Variants in IRX1 observed in about 807,000 individuals in gnomAD.
The protein encoded by IRX1 is iroquois homeobox 1.
IRX1 carries 22 observed loss-of-function variants against 34.1 expected under a neutral mutation model. That is an observed-to-expected ratio of 0.64 (90% CI 0.46 to 0.92). The LOEUF is 0.92. Among genes scored for constraint, IRX1 ranks in the 40% least tolerant of loss-of-function variants. The pLI, the probability that IRX1 is intolerant of heterozygous loss-of-function variation, is 0.00. For missense variants in IRX1, 758 were observed against 680.0 expected (o/e 1.11, Z -1.28); for synonymous variants, 363 against 319.0 (o/e 1.14, Z -1.47).
Position 3,599,964 on chromosome 5 carries a change from G to A in IRX1, c.1016G>A (p.Gly339Asp). 3 of 1,504,606 alleles carry A rather than the reference G, an allele frequency of 2.0e-6. No individual in the cohort carries two copies. The highest frequency in any genetic ancestry group is 1.3e-5 in the South Asian group (1 of 77,598). 93.2% of individuals were successfully genotyped at this position (1,504,606 alleles called of 1,614,324 possible). Reference sequence around the variant, plus strand: ...AAGGCTTCGCCACCACCACCCGCGGGCCACCCCGGCGCGCACGGGCCCTCC... The same window carrying A: ...AAGGCTTCGCCACCACCACCCGCGGACCACCCCGGCGCGCACGGGCCCTCC... ...APKASPPPPA[G>D]HPGAHGPSAG... Residue 339 changes from glycine to aspartate, a missense_variant, in exon 2 of 4, where the codon GGC (glycine) becomes GAC (aspartate). Around this residue, in one of 3 missense-constraint regions of IRX1, gnomAD observed 529 missense variants for 418.8 expected, o/e 1.26. Coordinates refer to ENST00000302006, the MANE Select transcript of IRX1 (RefSeq NM_024337.4). The surrounding 1 kb of genome is among the most constrained non-coding windows in gnomAD (Gnocchi z 6.6).
Position 3,600,163 on chromosome 5 carries a change from C to A in IRX1, c.1215C>A (p.His405Gln). 1 of 1,612,912 alleles carries A rather than the reference C, an allele frequency of 6.2e-7. No homozygotes were observed. The highest frequency in any genetic ancestry group is 1.1e-5 in the South Asian group (1 of 91,074). The change falls in exon 2 of 4, where the codon CAC (histidine) becomes CAA (glutamine). Residue 405 changes from histidine (H) to glutamine (Q), a missense_variant. By Grantham distance (24) the His-to-Gln change is conservative (BLOSUM62 0). Transcript: ENST00000302006. ...CCCACGCCGCGCCCCATGGCCCTCA[C>A]CTTCCTGCACCTCCACCACCGCAGC... ...GAPHAAPHGP[H>Q]LPAPPPPQPP...
In IRX1 at chr5:3,599,990, G is replaced by A. The variant is rs1464348939; in HGVS notation, c.1042G>A (p.Ala348Thr). Residue 348 changes from alanine to threonine, a missense_variant, in exon 2 of 4, where the codon GCC becomes ACC. Physicochemically the swap from Ala to Thr is moderately conservative, Grantham distance 58 (BLOSUM62 0). Around this residue, in one of 3 missense-constraint regions of IRX1, gnomAD observed 529 missense variants for 418.8 expected, o/e 1.26. Coordinates refer to ENST00000302006, the MANE Select transcript of IRX1 (RefSeq NM_024337.4). The surrounding 1 kb of genome is among the most constrained non-coding windows in gnomAD (Gnocchi z 6.6). ...CCACCCCGGCGCGCACGGGCCCTCC[G>A]CCGGGGCGCCGCTGCAACACCCCGC... ...AGHPGAHGPSAGAPLQHPAFL... is the reference protein window; with the variant it reads ...AGHPGAHGPSTGAPLQHPAFL... 6.6e-7 allele frequency: 1 copy of A among 1,514,874 alleles called. No individual in the cohort carries two copies. Among genetic ancestry groups the A allele is most frequent in the Non-Finnish European group, 8.9e-7 (1 of 1,125,998 alleles). 93.8% of individuals were successfully genotyped at this position (1,514,874 alleles called of 1,614,324 possible).
Position 3,596,311 on chromosome 5 carries a change from C to A in IRX1, c.206C>A (p.Pro69Gln), listed in dbSNP as rs777908475. Reference sequence around the variant, plus strand: ...CTGGGCATGTACGCGGCGGCGGGGCCGTACGCGGGCGCGCCCAACTACAGC... The same window carrying A: ...CTGGGCATGTACGCGGCGGCGGGGCAGTACGCGGGCGCGCCCAACTACAGC... Reference protein sequence around the residue: ...SVLGMYAAAGPYAGAPNYSAF... With the variant: ...SVLGMYAAAGQYAGAPNYSAF... The change falls in exon 1 of 4, where the codon CCG becomes CAG. Residue 69 changes from proline (P) to glutamine (Q), a missense_variant. Physicochemically the swap from Pro to Gln is moderately conservative, Grantham distance 76. This residue lies in a region of IRX1 where 195 missense variants were observed against 195.0 expected (regional missense o/e 1.00). Coordinates refer to ENST00000302006, the MANE Select transcript of IRX1 (RefSeq NM_024337.4). 2.7e-6 allele frequency: 4 copies of A among 1,482,174 alleles called. No individual in the cohort carries two copies. Among genetic ancestry groups the A allele is most frequent in the East Asian group, 2.8e-5 (1 of 35,976 alleles). 91.8% of individuals were successfully genotyped at this position (1,482,174 alleles called of 1,614,324 possible). A position where few individuals can be genotyped will look rare whatever the true frequency, so the allele number is the denominator to read the frequency against.
At chr5:3,597,233 C>T (rs1325690641) in intron 1 of IRX1, among the ~76,000 whole-genome samples, 1 of 152,226 alleles carries the variant, frequency 6.6e-6, no homozygotes. Context: ...ACACTTAATT[C>T]TCCGCGGGGG....
At chr5:3,597,690 A>G (rs1416881946) in intron 1 of IRX1, among the ~76,000 whole-genome samples, 6 of 152,206 alleles carry the variant, frequency 3.9e-5, no homozygotes, top group African/African-American at 9.6e-5. Context: ...AAATAATTAG[A>G]AAAGCGCAAA....
chr5:3,599,532 C>T lies in IRX1; in HGVS notation c.584C>T (p.Ala195Val), dbSNP rs764671755. 1 of 1,614,178 alleles carries T rather than the reference C, an allele frequency of 6.2e-7. No individual in the cohort carries two copies. The highest frequency in any genetic ancestry group is 8.5e-7 in the Non-Finnish European group (1 of 1,180,030). Reference sequence around the variant, plus strand: ...AAGGAGAACAAGGTGACATGGGGAGCGCGCAGCAAGGACCAGGAAGATGGA... The same window carrying T: ...AAGGAGAACAAGGTGACATGGGGAGTGCGCAGCAAGGACCAGGAAGATGGA... ...LKKENKVTWG[A>V]RSKDQEDGAL... Residue 195 changes from alanine (A) to valine (V), a missense_variant, in exon 2 of 4, where the codon GCG becomes GTG. Physicochemically the swap from Ala to Val is moderately conservative, Grantham distance 64 (BLOSUM62 0). Around this residue, in one of 3 missense-constraint regions of IRX1, gnomAD observed 529 missense variants for 418.8 expected, o/e 1.26. Transcript: ENST00000302006. The surrounding 1 kb of genome is among the most constrained non-coding windows in gnomAD (Gnocchi z 6.6).
chr5:3,596,900 C>T (rs1006476985), intron 1 of IRX1, among the ~76,000 whole-genome samples: 1 of 152,076 alleles, frequency 6.6e-6, no homozygotes, highest in Non-Finnish European at 1.5e-5. Flanking sequence ...CCAGACAGAC[C>T]CCTTCTAAGC....
At position 3,599,415 on chromosome 5, in the gene IRX1, C is replaced by A; in HGVS notation, c.467C>A (p.Thr156Asn). ...LNEHRKNPYP[T>N]KGEKIMLAII... The stretch of plus-strand genomic sequence containing the variant: ...GAGCACCGCAAGAATCCCTACCCCA[C>A]CAAGGGCGAGAAGATCATGCTGGCC... Residue 156 changes from threonine (T) to asparagine (N), a missense_variant, in exon 2 of 4, where the codon ACC becomes AAC. Thr to Asn is a moderately conservative substitution (Grantham distance 65). This residue lies in a region of IRX1 where 34 missense variants were observed against 66.2 expected (regional missense o/e 0.51). Coordinates refer to ENST00000302006, the MANE Select transcript of IRX1 (RefSeq NM_024337.4). This position sits in a 1 kb window ranked among gnomAD's most constrained non-coding sequence, Gnocchi z 6.6. 6.2e-7 allele frequency: 1 copy of A among 1,614,126 alleles called. No homozygotes were observed. Among genetic ancestry groups the A allele is most frequent in the Non-Finnish European group, 8.5e-7 (1 of 1,180,038 alleles).
intron 3 of IRX1, 61 bp from the exon 4 acceptor site, chr5:3,600,922 G>A (rs553019020): frequency 2.6e-6 from 4 of 1,549,168 alleles, no homozygotes; most frequent in East Asian, 2.2e-5. Flanking sequence ...GGCGTCGCCC[G>A]GCGCTGCGTC....
At chr5:3,600,472 C>T (rs574255315) in intron 2 of IRX1, 137 bp from the exon 3 acceptor site, 7 of 907,250 alleles carry the variant, frequency 7.7e-6, no homozygotes, top group Middle Eastern at 2.3e-4. Context: ...GGGCCTGCTA[C>T]GGGGTGGTGG....
rs1260666857 is a variant in IRX1, at chr5:3,599,687, G to T, written c.739G>T (p.Asp247Tyr). 1 of 1,613,288 alleles carries T rather than the reference G, an allele frequency of 6.2e-7. No individual in the cohort carries two copies. The highest frequency in any genetic ancestry group is 1.3e-5 in the African/African-American group (1 of 74,934). Residue 247 changes from aspartate to tyrosine, a missense_variant, in exon 2 of 4, where the codon GAC becomes TAC. Physicochemically the swap from Asp to Tyr is radical, Grantham distance 160. Around this residue, in one of 3 missense-constraint regions of IRX1, gnomAD observed 529 missense variants for 418.8 expected, o/e 1.26. Coordinates refer to ENST00000302006, the MANE Select transcript of IRX1 (RefSeq NM_024337.4). This position sits in a 1 kb window ranked among gnomAD's most constrained non-coding sequence, Gnocchi z 6.6. The stretch of plus-strand genomic sequence containing the variant: ...CGACCAGAGCAACGAGGATGACGAG[G>T]ACAAGGCCGAGGCTCCGCACGCGCC... ...DGDQSNEDDE[D>Y]KAEAPHAPAA...
chr5:3,600,118 C>G lies in IRX1; in HGVS notation c.1170C>G (p.Ser390=), dbSNP rs1475674145. The G allele has an allele frequency of 1.2e-6, 2 of 1,613,368 alleles. No individual in the cohort carries two copies. The highest frequency in any genetic ancestry group is 2.2e-5 in the South Asian group (2 of 91,082). ...AGGGCTCCCTGCTCAACATGCGCTC[C>G]TTCCTGGGCGTTGGCGCTCCCCACG... ...LAQGSLLNMR[S]FLGVGAPHAA... The change falls in exon 2 of 4, where the codon TCC becomes TCG. Residue 390 remains serine (S), a synonymous_variant. Coordinates refer to ENST00000302006, the MANE Select transcript of IRX1 (RefSeq NM_024337.4).
intron 1 of IRX1, among the ~76,000 whole-genome samples, chr5:3,597,932 G>C (rs1433005174): frequency 6.6e-6 from 1 of 152,182 alleles, no homozygotes; most frequent in East Asian, 1.9e-4. Flanking sequence ...GCCTGTGTTT[G>C]CGGGGGAGGG....
At position 3,599,183 on chromosome 5, in the gene IRX1, T is replaced by G. The variant is rs764011582; in HGVS notation, c.277-42T>G. ...CTCTCTCTCCCTTTCTCTCTCCACT[T>G]CCCTCCTCTCTCTCCTCGATGGATC... On this transcript the variant is annotated intron_variant, in intron 1 of 3. Coordinates refer to ENST00000302006, the MANE Select transcript of IRX1 (RefSeq NM_024337.4). This position sits in a 1 kb window ranked among gnomAD's most constrained non-coding sequence, Gnocchi z 6.6. 13 of 1,563,732 alleles carry G rather than the reference T, an allele frequency of 8.3e-6. No individual in the cohort carries two copies. Among genetic ancestry groups the G allele is most frequent in the Admixed American group, 7.0e-5 (4 of 57,520 alleles).
chr5:3,600,573 C>G (rs776175401), intron 2 of IRX1, 36 bp from the exon 3 acceptor site: 1 of 1,587,342 alleles, frequency 6.3e-7, no homozygotes, highest in Non-Finnish European at 8.6e-7. Context: ...CCGCCCGTCT[C>G]TCCGTCCTAA....
rs533092051 is a variant in IRX1, at chr5:3,596,019, C to A, written c.-87C>A. On this transcript the variant is annotated 5_prime_UTR_variant, in exon 1 of 4. Transcript: ENST00000302006. Reference sequence around the variant, plus strand: ...GCTCCTCCCTAGACCCCTCGCGGCGCCCCCTGCAACCCCCTCCGGCCGGCC... The same window carrying A: ...GCTCCTCCCTAGACCCCTCGCGGCGACCCCTGCAACCCCCTCCGGCCGGCC... The A allele has an allele frequency of 6.9e-6, 6 of 867,000 alleles. No individual in the cohort carries two copies. Among genetic ancestry groups the A allele is most frequent in the East Asian group, 1.1e-4 (1 of 9,264 alleles). 53.7% of individuals were successfully genotyped at this position (867,000 alleles called of 1,614,324 possible). A position where few individuals can be genotyped will look rare whatever the true frequency, so the allele number is the denominator to read the frequency against.
rs534006525 is a variant in IRX1, at chr5:3,596,529, G to A, written c.276+148G>A. 10 of 798,704 alleles carry A rather than the reference G, an allele frequency of 1.3e-5. No individual in the cohort carries two copies. In the East Asian group the frequency reaches 1.8e-4, roughly 14 times the overall value. The allele number at this position is 798,704 out of a possible 1,614,324, so 49.5% of individuals were successfully genotyped here. A position where few individuals can be genotyped will look rare whatever the true frequency, so the allele number is the denominator to read the frequency against. Reference sequence around the variant, plus strand: ...CGGGGGCAGGTTCCCGGTGGCCGAGGCCGCGGCCCCCGGGGACGCAAGAGG... The same window carrying A: ...CGGGGGCAGGTTCCCGGTGGCCGAGACCGCGGCCCCCGGGGACGCAAGAGG... On this transcript the variant is annotated intron_variant, in intron 1 of 3. Transcript: ENST00000302006.
rs957238452 is a variant in IRX1 at position 3,601,180 on chromosome 5, C to A, written c.*140C>A. ...CGACGTCAAGGACTCGCATCCGTCG[C>A]TTTCTGCAGAAAGGGGCTTCTTCGG... On this transcript the variant is annotated 3_prime_UTR_variant, in exon 4 of 4. Transcript: ENST00000302006. 1 of 835,326 alleles carries A rather than the reference C, an allele frequency of 1.2e-6. No individual in the cohort carries two copies. 51.7% of individuals were successfully genotyped at this position (835,326 alleles called of 1,614,324 possible).
chr5:3,598,044 A>C (rs923942914), intron 1 of IRX1, among the ~76,000 whole-genome samples: 1 of 152,120 alleles, frequency 6.6e-6, no homozygotes, highest in Non-Finnish European at 1.5e-5. Flanking sequence ...ATAATATGTA[A>C]AAATTATTCC....
Sources: allele counts gnomAD v4.1 joint callset (sites outside exome capture counted in the v4.1 genomes callset), GRCh38; gene constraint gnomAD v4.1.1; regional missense constraint gnomAD v4.1.1; non-coding constraint Gnocchi (gnomAD v3.1); transcripts MANE v1.5; gene names NCBI Gene and HGNC (gene_info 2026-07-23, HGNC 2026-07-21).